ACSM3: variants seen among roughly 807,000 people sequenced by gnomAD.
ACSM3 encodes acyl-CoA synthetase medium chain family member 3.
ACSM3 carries 61 observed loss-of-function variants against 74.1 expected under a neutral mutation model. That is an observed-to-expected ratio of 0.82 (90% CI 0.67 to 1.02). The LOEUF (loss-of-function observed/expected upper bound fraction) is 1.02, where lower values mean the gene tolerates loss of function less well. ACSM3 is among the 50% of genes least tolerant of loss of function. The pLI is 0.00. For synonymous variants in ACSM3, 213 were observed against 241.5 expected (o/e 0.88, Z 1.09); for missense variants, 660 against 697.0 (o/e 0.95, Z 0.60).
Position 20,784,995 on chromosome 16 carries a change from A to T in ACSM3, c.1031A>T (p.Lys344Ile). 1 of 1,611,882 alleles carries T rather than the reference A, an allele frequency of 6.2e-7. No individual in the cohort carries two copies. The highest frequency in any genetic ancestry group is 8.5e-7 in the Non-Finnish European group (1 of 1,179,234). Residue 344 changes from lysine (K) to isoleucine (I), a missense_variant, in exon 8 of 14, where the codon AAA becomes ATA. Lys to Ile is a moderately radical substitution (Grantham distance 102). Coordinates refer to ENST00000289416, the MANE Select transcript of ACSM3 (RefSeq NM_005622.4). ...GGTTTTCTGAGAAGCTATAAGTTTAAAAGCTTAAAGCACTGTGTGAGTGCT... is the reference window on the plus strand; with the variant it reads ...GGTTTTCTGAGAAGCTATAAGTTTATAAGCTTAAAGCACTGTGTGAGTGCT... ...VQNDITSYKF[K>I]SLKHCVSAGE... is the part of the protein sequence containing the mutation.
At chr16:20,769,933 G>T (rs921040407) in intron 1 of ACSM3, 51 bp from the exon 2 acceptor site, 1 of 1,183,550 alleles carries the variant, frequency 8.4e-7, no homozygotes, top group African/African-American at 1.5e-5. Flanking sequence ...TTTGGGGTAT[G>T]GCTACCTTCA....
rs2079824057 is a variant in ACSM3 at position 20,730,594 on chromosome 16, A to T, written c.-189-19316A>T. On this transcript the variant is annotated intron_variant, in intron 1 of 3. Coordinates refer to the ACSM3 transcript ENST00000561584. ...TATGGGTCCCCTACTCTTACCTCTTATACCCCCTCCACTCCCATTTATTCC... is the reference window on the plus strand; with the variant it reads ...TATGGGTCCCCTACTCTTACCTCTTTTACCCCCTCCACTCCCATTTATTCC... 2.0e-5 allele frequency among the ~76,000 whole-genome samples: 3 copies of T among 152,116 alleles called. No homozygotes were observed. The South Asian group carries it at 6.2e-4, about 32-fold the overall frequency.
chr16:20,693,935 A>G (rs1320338301), intron 1 of ACSM3, among the ~76,000 whole-genome samples: 1 of 152,274 alleles, frequency 6.6e-6, no homozygotes, highest in Non-Finnish European at 1.5e-5. Context: ...AAATTTATTC[A>G]AAGTCCTGTG....
At chr16:20,794,859 T>C (rs1186157966) in intron 12 of ACSM3, among the ~76,000 whole-genome samples, 1 of 152,242 alleles carries the variant, frequency 6.6e-6, no homozygotes, top group Non-Finnish European at 1.5e-5. Context: ...GAGTTCATAC[T>C]CTTACCCATG....
At chr16:20,676,931 G>A (rs1567301978) in intron 1 of ACSM3, among the ~76,000 whole-genome samples, 1 of 152,108 alleles carries the variant, frequency 6.6e-6, no homozygotes, top group Non-Finnish European at 1.5e-5. Flanking sequence ...CCCTGCACCT[G>A]CTGTGAAAGG....
intron 1 of ACSM3, among the ~76,000 whole-genome samples, chr16:20,741,076 C>T (rs2079915010): frequency 6.6e-6 from 1 of 151,970 alleles, no homozygotes; most frequent in Non-Finnish European, 1.5e-5. Context: ...CTACCCTGGG[C>T]CAAACAGTGA....
chr16:20,718,428 A>C, intron 1 of ACSM3: 1 of 703,766 alleles, frequency 1.4e-6, no homozygotes, highest in East Asian at 3.6e-5. Context: ...GTGGGACGAC[A>C]GGCTCTCCTA....
chr16:20,730,847 GT>G (rs1276477718), intron 1 of ACSM3, among the ~76,000 whole-genome samples: 6 of 152,144 alleles, frequency 3.9e-5, no homozygotes, highest in Non-Finnish European at 7.4e-5. Context: ...TTTCCTGAGA[GT>G]TTTTTGTTTC....
upstream of ACSM3, among the ~76,000 whole-genome samples, chr16:20,761,555 C>T (rs1438923594): frequency 6.6e-6 from 1 of 152,140 alleles, no homozygotes; most frequent in East Asian, 1.9e-4. Flanking sequence ...CCCCACACGT[C>T]TAGTGTCAGA....
At position 20,780,070 on chromosome 16, in the gene ACSM3, A is replaced by T. The variant is rs542364646; in HGVS notation, c.639-644A>T. 1.2e-4 allele frequency: 19 copies of T among 155,434 alleles called. 1 individual carries two copies. The South Asian group carries it at 3.6e-3, about 29-fold the overall frequency. 9.6% of individuals were successfully genotyped at this position (155,434 alleles called of 1,614,324 possible). On this transcript the variant is annotated intron_variant, in intron 4 of 13. Transcript: ENST00000289416. ...GTGAGCCACCATGCCCAGCCTCAGC[A>T]AACATTTTCTGTAAAAGGGACAGAG...
chr16:20,730,333 T>G (rs1323977036), intron 1 of ACSM3, among the ~76,000 whole-genome samples: 4 of 152,148 alleles, frequency 2.6e-5, no homozygotes, highest in African/African-American at 9.7e-5. Flanking sequence ...AGATAGAAAA[T>G]TGTGGCCAGT....
At chr16:20,767,035 TA>T (rs913446567) in intron 1 of ACSM3, among the ~76,000 whole-genome samples, 10 of 152,164 alleles carry the variant, frequency 6.6e-5, no homozygotes, top group South Asian at 2.1e-4. Context: ...GGGAGGCAGA[TA>T]TTTTTTTTTC....
chr16:20,739,293 A>G (rs1439873264), intron 1 of ACSM3, among the ~76,000 whole-genome samples: 1 of 151,442 alleles, frequency 6.6e-6, no homozygotes, highest in Admixed American at 6.6e-5. Context: ...TTCCTGCCTC[A>G]GCCTCCCAAG....
rs781750943 is a variant in ACSM3, at chr16:20,781,780, A to G, written c.1012A>G (p.Ile338Val). The G allele has an allele frequency of 3.1e-6, 5 of 1,605,850 alleles. No individual in the cohort carries two copies. The highest frequency in any genetic ancestry group is 4.3e-6 in the Non-Finnish European group (5 of 1,172,656). The change falls in exon 7 of 14, where the codon ATA becomes GTA. Residue 338 changes from isoleucine (I) to valine (V), a missense_variant. Transcript: ENST00000289416. ...ATACCGAATGCTTGTACAGAATGAT[A>G]TAACCAGGTAAGAAATGTTAGTAAA... ...TVYRMLVQNDITSYKFKSLKH... is the reference protein window; with the variant it reads ...TVYRMLVQNDVTSYKFKSLKH...
chr16:20,719,148 A>C (rs1374399911), intron 1 of ACSM3: 3 of 155,184 alleles, frequency 1.9e-5, no homozygotes, highest in African/African-American at 7.3e-5. Flanking sequence ...GGGCAAGGTC[A>C]CTCCTGAAAG....
At chr16:20,725,761 C>A (rs1055413807) in intron 1 of ACSM3, among the ~76,000 whole-genome samples, 5 of 152,170 alleles carry the variant, frequency 3.3e-5, no homozygotes, top group Non-Finnish European at 7.4e-5. Context: ...CACCTGAGGT[C>A]AGGAGTTCAA....
intron 12 of ACSM3, among the ~76,000 whole-genome samples, chr16:20,794,272 T>C (rs2080670453): frequency 6.6e-6 from 1 of 152,220 alleles, no homozygotes; most frequent in South Asian, 2.1e-4. Context: ...AACATTGGAA[T>C]GTGAAAGACT....
intron 1 of ACSM3, chr16:20,685,417 T>C: frequency 6.2e-7 from 1 of 1,611,924 alleles, no homozygotes. Context: ...GTCAAGACCA[T>C]ATATTATGTG....
chr16:20,744,704 A>T (rs144693830), intron 1 of ACSM3, among the ~76,000 whole-genome samples: 34 of 152,256 alleles, frequency 2.2e-4, no homozygotes, highest in Non-Finnish European at 4.3e-4. Context: ...TAAATAAGGC[A>T]AATACTGAGT....
Sources: allele counts gnomAD v4.1 joint callset (sites outside exome capture counted in the v4.1 genomes callset), GRCh38; gene constraint gnomAD v4.1.1; transcripts MANE v1.5; gene names NCBI Gene and HGNC (gene_info 2026-07-23, HGNC 2026-07-21).